The following STAM variants were observed in gnomAD, a reference collection of about 807,000 sequenced individuals.
STAM encodes the protein signal transducing adapter molecule 1.
A neutral mutation model predicts 63.4 loss-of-function variants in STAM; 16 were observed. The ratio of observed to expected loss-of-function variants is 0.25; its 90% CI spans 0.17 to 0.38. The LOEUF is 0.38. STAM is among the 10% of genes least tolerant of loss of function. The pLI, the probability that STAM is intolerant of heterozygous loss-of-function variation, is 1.00. For missense variants in STAM, 636 were observed against 657.1 expected, an observed-to-expected ratio of 0.97 and a Z score of 0.35; for synonymous variants, 238 against 223.9, an observed-to-expected ratio of 1.06 and a Z score of -0.56.
At chr10:17,712,086 C>T (rs527304348) in intron 13 of STAM, among the ~76,000 whole-genome samples, 9 of 152,246 alleles carry the variant, frequency 5.9e-5, no homozygotes, top group East Asian at 1.9e-4. Context: ...ACTGGGTGGA[C>T]GGTGGAACTG....
intron 13 of STAM, among the ~76,000 whole-genome samples, chr10:17,712,854 C>G (rs1434952541): frequency 6.6e-6 from 1 of 151,978 alleles, no homozygotes; most frequent in African/African-American, 2.4e-5. Context: ...GATGGGAGTA[C>G]TGGCAGCGGA....
At chr10:17,707,638 T>C (rs1318676482) in intron 12 of STAM, among the ~76,000 whole-genome samples, 2 of 151,962 alleles carry the variant, frequency 1.3e-5, no homozygotes, top group Non-Finnish European at 2.9e-5. Flanking sequence ...TCATGTTCAA[T>C]TTTCGAAGAA....
chr10:17,663,615 T>C (rs1053286434), intron 2 of STAM, among the ~76,000 whole-genome samples: 1 of 152,128 alleles, frequency 6.6e-6, no homozygotes, highest in Non-Finnish European at 1.5e-5. Context: ...TAGTTATTGC[T>C]CTCTGGTTCT....
At chr10:17,713,759 A>C (rs1377209792) in intron 13 of STAM, among the ~76,000 whole-genome samples, 2 of 152,034 alleles carry the variant, frequency 1.3e-5, no homozygotes, top group Non-Finnish European at 2.9e-5. Flanking sequence ...AATAACCTGC[A>C]GTCAGCTATC....
chr10:17,693,886 G>C (rs1448058128), intron 6 of STAM, among the ~76,000 whole-genome samples: 4 of 149,050 alleles, frequency 2.7e-5, no homozygotes, highest in African/African-American at 1.0e-4. Flanking sequence ...TTGTTAAATG[G>C]TTGTTATGAT....
intron 9 of STAM, among the ~76,000 whole-genome samples, chr10:17,701,095 CTT>C (rs1835974781): frequency 6.6e-6 from 1 of 152,146 alleles, no homozygotes; most frequent in Non-Finnish European, 1.5e-5. Flanking sequence ...ACACACCATA[CTT>C]TTTGGAGCCA....
intron 1 of STAM, among the ~76,000 whole-genome samples, 199 bp from the exon 2 acceptor site, chr10:17,660,265 T>C (rs954428402): frequency 6.6e-6 from 1 of 152,168 alleles, no homozygotes; most frequent in South Asian, 2.1e-4. Context: ...GCAACTGCAT[T>C]GTGAATAGGG....
At chr10:17,651,006 G>C (rs1204527265) in intron 1 of STAM, among the ~76,000 whole-genome samples, 1 of 149,174 alleles carries the variant, frequency 6.7e-6, no homozygotes, top group East Asian at 2.0e-4. Context: ...CGGAGCTTGC[G>C]GTGAGCCAAG....
intron 13 of STAM, among the ~76,000 whole-genome samples, chr10:17,710,182 C>G (rs1233101339): frequency 6.6e-6 from 1 of 152,074 alleles, no homozygotes; most frequent in East Asian, 1.9e-4. Flanking sequence ...CTCTGTTTGA[C>G]TATGTCACAT....
intron 13 of STAM, 34 bp from the exon 14 acceptor site, chr10:17,714,509 A>G (rs1401337579): frequency 6.3e-7 from 1 of 1,579,012 alleles, no homozygotes; most frequent in Non-Finnish European, 8.7e-7. Context: ...ATAAATCAGT[A>G]TTGATGTAAT....
chr10:17,694,892 C>A, intron 6 of STAM, 157 bp from the exon 7 acceptor site: 1 of 595,708 alleles, frequency 1.7e-6, no homozygotes, highest in Non-Finnish European at 2.7e-6. Context: ...AATGAATAAA[C>A]TGACAAAATG....
Position 17,650,094 on chromosome 10 carries a change from C to G in STAM, c.40+5715C>G, listed in dbSNP as rs782702785. Among the ~76,000 whole-genome samples, 32 of 152,296 alleles carry G rather than the reference C, an allele frequency of 2.1e-4. 2 individuals are homozygous for G. The Middle Eastern group carries it at 0.02, about 97-fold the overall frequency. ...CTACATACTTGGACATTTTTTTAGT[C>G]TGCTTTGCTTAGTCCAGTCAGCCTC... is the stretch of plus-strand genomic sequence containing the variant. On this transcript the variant is annotated intron_variant, in intron 1 of 13. Transcript: ENST00000377524.
At chr10:17,699,842 A>G (rs868969882) in intron 8 of STAM, among the ~76,000 whole-genome samples, 1 of 152,202 alleles carries the variant, frequency 6.6e-6, no homozygotes, top group Non-Finnish European at 1.5e-5. Context: ...TTTAAATTGC[A>G]GAATTCACTT....
In STAM at chr10:17,703,631, A is replaced by T. The variant is rs190198021; in HGVS notation, c.913-800A>T. Among the ~76,000 whole-genome samples, 12 of 152,334 alleles carry T rather than the reference A, an allele frequency of 7.9e-5. 1 individual carries two copies. Among genetic ancestry groups the T allele is most frequent in the Non-Finnish European group, 1.5e-5 (1 of 68,028 alleles). ...TATATCGTATAGATGTGTGTATGTAATAATGGTTTCATTCATTCCATTGGT... is the reference window on the plus strand; with the variant it reads ...TATATCGTATAGATGTGTGTATGTATTAATGGTTTCATTCATTCCATTGGT... On this transcript the variant is annotated intron_variant, in intron 9 of 13. Coordinates refer to ENST00000377524, the MANE Select transcript of STAM (RefSeq NM_003473.4).
chr10:17,688,570 C>T (rs1554826395), intron 5 of STAM, among the ~76,000 whole-genome samples: 1 of 151,934 alleles, frequency 6.6e-6, no homozygotes, highest in African/African-American at 2.4e-5. Context: ...TCAGGTGATT[C>T]TCCTGCCGCA....
intron 2 of STAM, among the ~76,000 whole-genome samples, chr10:17,673,867 GT>G (rs1834741179): frequency 6.6e-6 from 1 of 152,216 alleles, no homozygotes; most frequent in East Asian, 1.9e-4. Context: ...CAATATTTGA[GT>G]TTGCAGGAGG....
chr10:17,671,821 C>A (rs928185912), intron 2 of STAM, among the ~76,000 whole-genome samples: 5 of 151,652 alleles, frequency 3.3e-5, no homozygotes, highest in South Asian at 2.1e-4. Flanking sequence ...TTTGTTATGT[C>A]CTGAGAGAGG....
intron 5 of STAM, among the ~76,000 whole-genome samples, chr10:17,690,942 C>T (rs1835504064): frequency 6.6e-6 from 1 of 152,172 alleles, no homozygotes; most frequent in South Asian, 2.1e-4. Context: ...CAGAAACATG[C>T]GGCTTCACAT....
intron 2 of STAM, among the ~76,000 whole-genome samples, chr10:17,670,353 T>A (rs1331462951): frequency 4.6e-5 from 7 of 152,222 alleles, no homozygotes; most frequent in African/African-American, 1.7e-4. Flanking sequence ...AGATTTTTAA[T>A]GTGACTTGTC....
Sources: allele counts gnomAD v4.1 joint callset (sites outside exome capture counted in the v4.1 genomes callset), GRCh38; gene constraint gnomAD v4.1.1; transcripts MANE v1.5; gene names NCBI Gene and HGNC (gene_info 2026-07-23, HGNC 2026-07-21).